Variants in SDK1 observed in about 807,000 individuals in gnomAD.
SDK1 encodes protein sidekick-1.
In SDK1, 157 loss-of-function variants were observed where a neutral mutation model predicts 245.5. The ratio of observed to expected loss-of-function variants is 0.64; its 90% confidence interval spans 0.56 to 0.73. SDK1 has a LOEUF of 0.73. SDK1 is among the 30% of genes least tolerant of loss of function. The pLI is 0.00. For missense variants in SDK1, 3,583 were observed against 3,002.3 expected (o/e 1.19, Z -4.52); for synonymous variants, 1,647 against 1,278.5 (o/e 1.29, Z -6.15).
At chr7:4,195,636 A>T (rs1264410507) in intron 35 of SDK1, among the ~76,000 whole-genome samples, 1 of 152,176 alleles carries the variant, frequency 6.6e-6, no homozygotes, top group Non-Finnish European at 1.5e-5. Flanking sequence ...AAGAGCAAGC[A>T]CTTAGAAGCC....
chr7:3,881,479 A>C (rs1313500478), intron 5 of SDK1, among the ~76,000 whole-genome samples: 3 of 152,184 alleles, frequency 2.0e-5, no homozygotes, highest in African/African-American at 7.2e-5. Flanking sequence ...TATACGTAAC[A>C]CATTTTCTTC....
At chr7:3,494,832 TA>T (rs2128606245) in intron 1 of SDK1, among the ~76,000 whole-genome samples, 1 of 152,332 alleles carries the variant, frequency 6.6e-6, no homozygotes, top group African/African-American at 2.4e-5. Flanking sequence ...GTTTATTTGT[TA>T]AAAACTTAAT....
chr7:3,585,016 G>C (rs1056843277), intron 1 of SDK1, among the ~76,000 whole-genome samples: 1 of 152,182 alleles, frequency 6.6e-6, no homozygotes, highest in East Asian at 1.9e-4. Context: ...GAGCCACCGC[G>C]CCCAGCCAAC....
At chr7:4,194,200 C>T (rs529035688) in intron 35 of SDK1, among the ~76,000 whole-genome samples, 7 of 149,952 alleles carry the variant, frequency 4.7e-5, no homozygotes, top group Admixed American at 1.3e-4. Flanking sequence ...GGAGAGAGAG[C>T]GAGAGAGATA....
At chr7:3,341,040 C>A (rs1002752359) in intron 1 of SDK1, among the ~76,000 whole-genome samples, 2 of 152,030 alleles carry the variant, frequency 1.3e-5, no homozygotes, top group African/African-American at 4.8e-5. Flanking sequence ...TCTAGTATTA[C>A]CCTGACAGCA....
At position 3,988,261 on chromosome 7, in the gene SDK1, C is replaced by A. The variant is rs529217549; in HGVS notation, c.2131+939C>A. 7.9e-5 allele frequency among the ~76,000 whole-genome samples: 12 copies of A among 151,558 alleles called. No individual in the cohort carries two copies. The East Asian group carries it at 2.3e-3, about 30-fold the overall frequency. Reference sequence around the variant, plus strand: ...GGTCCCCAATTCCTTTCCCTGGACCCCAGCCCCCACCTCCACACCCCCTGC... The same window carrying A: ...GGTCCCCAATTCCTTTCCCTGGACCACAGCCCCCACCTCCACACCCCCTGC... On this transcript the variant is annotated intron_variant, in intron 14 of 44. Transcript: ENST00000404826.
intron 1 of SDK1, among the ~76,000 whole-genome samples, chr7:3,406,727 T>C (rs1333780628): frequency 6.6e-6 from 1 of 152,168 alleles, no homozygotes; most frequent in Non-Finnish European, 1.5e-5. Context: ...ATCAGACTTT[T>C]TGAATGCTGG....
intron 5 of SDK1, among the ~76,000 whole-genome samples, chr7:3,948,251 CT>C (rs34746302): frequency 0.027 from 2,130 of 79,510 alleles, 6 homozygotes; most frequent in African/African-American, 0.091. Context: ...ATCACCATTG[CT>C]TTTTTTTTTT....
chr7:4,121,669 C>G (rs1784074825), intron 25 of SDK1, among the ~76,000 whole-genome samples: 2 of 152,080 alleles, frequency 1.3e-5, no homozygotes. Context: ...CACATAGAGC[C>G]CTTGCAGAAT....
chr7:3,548,791 A>C (rs552225099), intron 1 of SDK1, among the ~76,000 whole-genome samples: 4 of 152,218 alleles, frequency 2.6e-5, no homozygotes, highest in Non-Finnish European at 5.9e-5. Flanking sequence ...GCAAGTTTCT[A>C]ATTAACCTAG....
intron 9 of SDK1, among the ~76,000 whole-genome samples, chr7:3,965,750 T>C (rs1056312223): frequency 8.1e-5 from 5 of 61,568 alleles, no homozygotes; most frequent in African/African-American, 2.9e-4. Context: ...GGGGAGCAGG[T>C]GCGGTGGCAT....
chr7:3,575,812 G>A (rs970856474), intron 1 of SDK1, among the ~76,000 whole-genome samples: 3 of 151,914 alleles, frequency 2.0e-5, no homozygotes, highest in Non-Finnish European at 4.4e-5. Context: ...ACACAATAGC[G>A]TTTGTCTTGT....
In SDK1 at chr7:3,597,188, C is replaced by T. The variant is rs370395391; in HGVS notation, c.299-21892C>T. Among the ~76,000 whole-genome samples, 42 of 148,254 alleles carry T rather than the reference C, an allele frequency of 2.8e-4. 1 individual carries two copies. Among genetic ancestry groups the T allele is most frequent in the Admixed American group, 8.3e-4 (12 of 14,428 alleles). ...TCAGGAGGCCGAGGCAGGAGAATGG[C>T]GTGAACCCGGGAGGCGGAGCTTGCA... On this transcript the variant is annotated intron_variant, in intron 1 of 44. Transcript: ENST00000404826.
intron 1 of SDK1, among the ~76,000 whole-genome samples, chr7:3,325,492 A>G (rs1779919099): frequency 6.6e-6 from 1 of 152,160 alleles, no homozygotes; most frequent in Admixed American, 6.5e-5. Flanking sequence ...GGCACTTAAG[A>G]TTCTTTTTAT....
chr7:3,784,506 CAATA>C (rs1002991405), intron 4 of SDK1, among the ~76,000 whole-genome samples: 3 of 151,792 alleles, frequency 2.0e-5, no homozygotes, highest in African/African-American at 4.8e-5. Context: ...TCAAACAACT[CAATA>C]GAAAGAATAC....
chr7:3,937,567 A>G (rs550446698), intron 5 of SDK1, among the ~76,000 whole-genome samples: 66 of 152,218 alleles, frequency 4.3e-4, no homozygotes, highest in African/African-American at 1.2e-3. Flanking sequence ...TTTAAACACA[A>G]TGGTGTTCGC....
At chr7:3,690,508 A>G (rs1239299266) in intron 4 of SDK1, among the ~76,000 whole-genome samples, 1 of 151,896 alleles carries the variant, frequency 6.6e-6, no homozygotes, top group African/African-American at 2.4e-5. Flanking sequence ...AACCCACTGG[A>G]TAGCTTGTAC....
chr7:3,537,462 G>T (rs1778920870), intron 1 of SDK1, among the ~76,000 whole-genome samples: 1 of 152,140 alleles, frequency 6.6e-6, no homozygotes, highest in South Asian at 2.1e-4. Context: ...TTGCTGGGGA[G>T]GGTTAGGTTG....
intron 20 of SDK1, among the ~76,000 whole-genome samples, chr7:4,074,855 T>TAAC (rs1780524285): frequency 1.0e-5 from 1 of 97,346 alleles, no homozygotes; most frequent in Non-Finnish European, 1.9e-5. Context: ...AGAGCAAGAC[T>TAAC]TTCTCTCTCT....
Sources: allele counts gnomAD v4.1 joint callset (sites outside exome capture counted in the v4.1 genomes callset), GRCh38; gene constraint gnomAD v4.1.1; transcripts MANE v1.5; gene names NCBI Gene and HGNC (gene_info 2026-07-23, HGNC 2026-07-21).